The following RIMS1 variants were observed in gnomAD, a reference collection of about 807,000 sequenced individuals.
RIMS1 encodes regulating synaptic membrane exocytosis protein 1.
In RIMS1, 83 loss-of-function variants were observed where a neutral mutation model predicts 214.1. The observed-to-expected ratio is 0.39, with a 90% CI of 0.32 to 0.47. The LOEUF (loss-of-function observed/expected upper bound fraction) is 0.47. RIMS1 is among the 20% of genes least tolerant of loss of function. The pLI, the probability that RIMS1 is intolerant of heterozygous loss-of-function variation, is 0.99. For missense variants in RIMS1, 2,050 were observed against 2,161.8 expected, an observed-to-expected ratio of 0.95 and a Z score of 1.03; for synonymous variants, 793 against 786.8, an observed-to-expected ratio of 1.01 and a Z score of -0.13.
At chr6:71,942,269 T>C (rs1404071487) in intron 1 of RIMS1, among the ~76,000 whole-genome samples, 1 of 152,208 alleles carries the variant, frequency 6.6e-6, no homozygotes, top group African/African-American at 2.4e-5. Flanking sequence ...TTCATTGCTG[T>C]GCCATTAATA....
At chr6:72,344,818 G>A (rs1343866100) in intron 29 of RIMS1, among the ~76,000 whole-genome samples, 1 of 151,726 alleles carries the variant, frequency 6.6e-6, no homozygotes, top group Non-Finnish European at 1.5e-5. Flanking sequence ...GCTGGTCTAT[G>A]TTTGTTCTTT....
At chr6:72,295,778 G>A (rs1451544747) in intron 26 of RIMS1, among the ~76,000 whole-genome samples, 1 of 151,360 alleles carries the variant, frequency 6.6e-6, no homozygotes, top group African/African-American at 2.4e-5. Context: ...ACCATATTTG[G>A]GAACTCATGG....
intron 4 of RIMS1, among the ~76,000 whole-genome samples, chr6:72,142,288 G>T (rs2153884060): frequency 6.6e-6 from 1 of 151,970 alleles, no homozygotes; most frequent in African/African-American, 2.4e-5. Context: ...CTCCAAAGAT[G>T]GTGATTCCCC....
chr6:71,893,076 GT>G (rs2150361339), intron 1 of RIMS1, among the ~76,000 whole-genome samples: 1 of 152,236 alleles, frequency 6.6e-6, no homozygotes, highest in South Asian at 2.1e-4. Flanking sequence ...TCCAAGAAAG[GT>G]GCCATTATTA....
intron 6 of RIMS1, among the ~76,000 whole-genome samples, chr6:72,200,170 A>C (rs2051687057): frequency 6.6e-6 from 1 of 152,162 alleles, no homozygotes; most frequent in South Asian, 2.1e-4. Context: ...ATCAAAGAGC[A>C]GTGGGTTCAC....
intron 4 of RIMS1, among the ~76,000 whole-genome samples, chr6:72,137,995 C>G (rs1292749735): frequency 6.6e-6 from 1 of 152,074 alleles, no homozygotes; most frequent in Non-Finnish European, 1.5e-5. Flanking sequence ...CTTGGCCTCC[C>G]CAAGTGCTGA....
Position 72,384,970 on chromosome 6 carries a change from T to G in RIMS1, c.4367-5628T>G, listed in dbSNP as rs192532458. On this transcript the variant is annotated intron_variant, in intron 29 of 33. Transcript: ENST00000521978. ...GAGAGAAAGAGTTCACCTGTAAATA[T>G]GACATCTTTTGGAATACTCTTTGAG... Among the ~76,000 whole-genome samples the G allele has an allele frequency of 5.2e-3, 791 of 152,308 alleles. 4 individuals carry two copies. Among genetic ancestry groups the G allele is most frequent in the Non-Finnish European group, 7.6e-3 (517 of 68,016 alleles).
intron 7 of RIMS1, 62 bp from the exon 8 acceptor site, chr6:72,235,556 T>C: frequency 9.5e-7 from 1 of 1,049,402 alleles, no homozygotes; most frequent in South Asian, 1.4e-5. Flanking sequence ...TTCATTCTTT[T>C]TATAGCTGAA....
chr6:72,069,030 G>A (rs1351717519), intron 2 of RIMS1, among the ~76,000 whole-genome samples: 1 of 152,174 alleles, frequency 6.6e-6, no homozygotes, highest in Non-Finnish European at 1.5e-5. Flanking sequence ...GTAATCTATA[G>A]TAGATGGTGA....
At chr6:71,910,587 G>T (rs117304705) in intron 1 of RIMS1, among the ~76,000 whole-genome samples, 8 of 152,154 alleles carry the variant, frequency 5.3e-5, no homozygotes, top group South Asian at 2.1e-4. Flanking sequence ...ACTGTGTTCT[G>T]TATCCCTCAT....
In RIMS1 at chr6:72,151,286, C is replaced by T. The variant is rs888725555; in HGVS notation, c.472-28289C>T. On this transcript the variant is annotated intron_variant, in intron 4 of 33. Coordinates refer to ENST00000521978, the MANE Select transcript of RIMS1 (RefSeq NM_014989.7). ...CTCGATCTCCTGACCTCGTGATCCG[C>T]CCGCCTCTGCCTCCCAAAGTGCTGC... is the stretch of plus-strand genomic sequence containing the variant. Among the ~76,000 whole-genome samples the T allele has an allele frequency of 3.0e-4, 46 of 152,136 alleles. 1 individual carries two copies. The highest frequency in any genetic ancestry group is 1.2e-4 in the Non-Finnish European group (8 of 68,014).
chr6:72,233,010 A>T (rs372039348), intron 6 of RIMS1, among the ~76,000 whole-genome samples: 41 of 151,884 alleles, frequency 2.7e-4, no homozygotes, highest in South Asian at 1.9e-3. Context: ...AAAGGGAATT[A>T]TTCCCCTGCT....
intron 29 of RIMS1, among the ~76,000 whole-genome samples, chr6:72,367,381 T>G (rs2098071916): frequency 2.6e-5 from 4 of 152,200 alleles, no homozygotes; most frequent in Non-Finnish European, 5.9e-5. Flanking sequence ...ACTTTGCATT[T>G]TGAAATTATC....
chr6:72,349,355 A>G (rs2097368480), intron 29 of RIMS1, among the ~76,000 whole-genome samples: 1 of 152,034 alleles, frequency 6.6e-6, no homozygotes, highest in African/African-American at 2.4e-5. Context: ...AAGTAATCAA[A>G]TAGTAAATAA....
At chr6:71,991,664 A>G (rs1261494968) in intron 2 of RIMS1, among the ~76,000 whole-genome samples, 9 of 152,242 alleles carry the variant, frequency 5.9e-5, no homozygotes, top group African/African-American at 1.9e-4. Flanking sequence ...CAAGGGAGAA[A>G]TAAAGTACTG....
At chr6:72,139,509 T>G (rs1378521413) in intron 4 of RIMS1, among the ~76,000 whole-genome samples, 1 of 152,194 alleles carries the variant, frequency 6.6e-6, no homozygotes, top group Non-Finnish European at 1.5e-5. Context: ...CTACCTAACA[T>G]AGTATATATT....
chr6:72,392,802 C>G lies in RIMS1; in HGVS notation c.4610C>G (p.Pro1537Arg). The G allele has an allele frequency of 6.2e-7, 1 of 1,603,614 alleles. No homozygotes were observed. The change falls in exon 31 of 34, where the codon CCT (proline) becomes CGT (arginine). Residue 1537 changes from proline to arginine, a missense_variant. This residue lies in a region of RIMS1 where 121 missense variants were observed against 187.3 expected (regional missense o/e 0.65). Coordinates refer to ENST00000521978, the MANE Select transcript of RIMS1 (RefSeq NM_014989.7). ...QLVGRQTLAT[P>R]AMGDIQIGME... ...GTTGGCCGCCAAACCCTTGCCACCC[C>G]TGCAATGGGTAAGAATCATTTTTTT... is the stretch of plus-strand genomic sequence containing the variant.
rs1806694968 is a variant in RIMS1 at position 72,004,617 on chromosome 6, T to C, written c.245+35554T>C. 4.6e-5 allele frequency among the ~76,000 whole-genome samples: 7 copies of C among 152,184 alleles called. No homozygotes were observed. In the South Asian group the frequency reaches 1.5e-3, roughly 32 times the overall value. ...GTTTTGATTTGCATTTCTCTGATGGTCAGTGATGGTGAGCATTTTTTCATG... is the reference window on the plus strand; with the variant it reads ...GTTTTGATTTGCATTTCTCTGATGGCCAGTGATGGTGAGCATTTTTTCATG... On this transcript the variant is annotated intron_variant, in intron 2 of 33. Coordinates refer to ENST00000521978, the MANE Select transcript of RIMS1 (RefSeq NM_014989.7).
At chr6:72,052,814 A>G (rs568018177) in intron 2 of RIMS1, among the ~76,000 whole-genome samples, 72 of 152,278 alleles carry the variant, frequency 4.7e-4, no homozygotes, top group Non-Finnish European at 7.9e-4. Context: ...ACATAATTAT[A>G]CCATATAAGA....
Sources: gnomAD v4.1 joint callset for allele counts (sites outside exome capture counted in the v4.1 genomes callset) on GRCh38, gnomAD v4.1.1 for gene constraint, gnomAD v4.1.1 regional missense constraint, MANE v1.5 for transcripts, NCBI Gene and HGNC (gene_info 2026-07-23, HGNC 2026-07-21) for gene names.